POTEJ: variants seen among roughly 807,000 people sequenced by gnomAD.
POTEJ encodes the protein POTE ankyrin domain family member J.
A neutral mutation model predicts 69.0 loss-of-function variants in POTEJ; 11 were observed. That is an observed-to-expected ratio of 0.16 (90% confidence interval 0.10 to 0.26). POTEJ has a LOEUF of 0.26. Ranked by LOEUF, POTEJ falls within the 10% of genes least tolerant of loss-of-function variation. The pLI is 1.00. For synonymous variants in POTEJ, 117 were observed against 381.1 expected, an observed-to-expected ratio of 0.31 and a Z score of 8.07; for missense variants, 327 against 1,045.5, an observed-to-expected ratio of 0.31 and a Z score of 9.48.
chr2:130,641,372 G>C (rs1364714244), intron 10 of POTEJ, among the ~76,000 whole-genome samples: 3 of 149,336 alleles, frequency 2.0e-5, no homozygotes, highest in East Asian at 1.9e-4. Flanking sequence ...ATTTTACTAT[G>C]TTGGCCTTCG....
Position 130,656,446 on chromosome 2 carries a change from G to A in POTEJ, c.1789-103G>A, listed in dbSNP as rs565087943. On this transcript the variant is annotated intron_variant, in intron 14 of 14. Transcript: ENST00000409602. ...TTTTCCAGTTAAATATCCACTATGG[G>A]GATTCTTTCATTATACAAATACATG... is the stretch of plus-strand genomic sequence containing the variant. 5.4e-4 allele frequency: 784 copies of A among 1,443,460 alleles called. 2 individuals are homozygous for A. In the South Asian group the frequency reaches 9.9e-3, roughly 18 times the overall value. 89.4% of individuals were successfully genotyped at this position (1,443,460 alleles called of 1,614,324 possible).
chr2:130,648,249 T>C (rs1466475485), intron 13 of POTEJ, among the ~76,000 whole-genome samples: 1 of 146,820 alleles, frequency 6.8e-6, no homozygotes, highest in Non-Finnish European at 1.5e-5. Flanking sequence ...ATGCCATATG[T>C]GTATAATTTT....
chr2:130,654,751 G>A (rs1686922866), intron 13 of POTEJ, among the ~76,000 whole-genome samples, 170 bp from the exon 14 acceptor site: 1 of 143,976 alleles, frequency 6.9e-6, no homozygotes, highest in African/African-American at 2.8e-5. Context: ...CCAGTCCCTG[G>A]TGCCAGCATG....
chr2:130,612,474 G>T (rs1685244156), intron 1 of POTEJ, among the ~76,000 whole-genome samples: 1 of 152,262 alleles, frequency 6.6e-6, no homozygotes, highest in Non-Finnish European at 1.5e-5. Context: ...TTCTTAAGAT[G>T]TGAGCTTTTT....
At chr2:130,636,894 C>G (rs1686112228) in intron 9 of POTEJ, among the ~76,000 whole-genome samples, 1 of 146,706 alleles carries the variant, frequency 6.8e-6, no homozygotes, top group South Asian at 2.1e-4. Context: ...AGATCGAGAC[C>G]AGTGAAACCC....
intron 6 of POTEJ, among the ~76,000 whole-genome samples, chr2:130,626,994 G>A (rs1433306699): frequency 1.9e-4 from 29 of 152,136 alleles, no homozygotes; most frequent in East Asian, 5.8e-4. Context: ...GAGAGGTATC[G>A]TCAATATGAT....
upstream of POTEJ, among the ~76,000 whole-genome samples, chr2:130,611,155 T>TTGGTGTTGGTCGCTTGGCC (rs1685194461): frequency 6.8e-6 from 1 of 147,808 alleles, no homozygotes; most frequent in Non-Finnish European, 1.5e-5. Context: ...TTTGCTTGGC[T>TTGGTGTTGGTCGCTTGGCC]TGGTGTTGGT....
intron 10 of POTEJ, among the ~76,000 whole-genome samples, chr2:130,640,809 G>T (rs1424093692): frequency 2.0e-5 from 3 of 152,204 alleles, no homozygotes; most frequent in Admixed American, 1.3e-4. Context: ...CTGAGGAGGG[G>T]GATTGGGATA....
At chr2:130,640,541 G>GTTGACA (rs1686310729) in intron 10 of POTEJ, among the ~76,000 whole-genome samples, 1 of 151,926 alleles carries the variant, frequency 6.6e-6, no homozygotes, top group Non-Finnish European at 1.5e-5. Flanking sequence ...CAGCTGTGCT[G>GTTGACA]TTGACAGTGT....
chr2:130,642,840 G>A (rs532866679), intron 10 of POTEJ, among the ~76,000 whole-genome samples: 1 of 151,304 alleles, frequency 6.6e-6, no homozygotes, highest in Non-Finnish European at 1.5e-5. Context: ...TCTTGCTGCT[G>A]CGTGGCATGC....
chr2:130,613,304 GTATATATACA>G (rs1371006349), intron 1 of POTEJ, among the ~76,000 whole-genome samples: 6 of 87,426 alleles, frequency 6.9e-5, no homozygotes, highest in Non-Finnish European at 1.4e-4. Context: ...ATATACATAT[GTATATATACA>G]TATATATACA....
intron 9 of POTEJ, among the ~76,000 whole-genome samples, chr2:130,636,432 A>T (rs1416435144): frequency 6.9e-6 from 1 of 144,852 alleles, no homozygotes; most frequent in Admixed American, 7.0e-5. Context: ...ACCTTATGTC[A>T]TCGTTTCTTA....
chr2:130,637,775 G>A (rs1409721682), intron 9 of POTEJ, among the ~76,000 whole-genome samples: 1 of 152,112 alleles, frequency 6.6e-6, no homozygotes, highest in African/African-American at 2.4e-5. Flanking sequence ...TCCCATGTCA[G>A]CTGGAGATGA....
intron 7 of POTEJ, among the ~76,000 whole-genome samples, chr2:130,630,774 G>C (rs1370138308): frequency 2.1e-5 from 3 of 145,978 alleles, no homozygotes; most frequent in Admixed American, 1.4e-4. Context: ...TTTATCCACT[G>C]TAATTAGTAC....
At chr2:130,625,303 T>C (rs1250985899) in intron 6 of POTEJ, among the ~76,000 whole-genome samples, 2 of 152,060 alleles carry the variant, frequency 1.3e-5, no homozygotes, top group African/African-American at 2.4e-5. Flanking sequence ...CATATAACTA[T>C]CAAATGTCTT....
intron 6 of POTEJ, among the ~76,000 whole-genome samples, chr2:130,625,125 G>C (rs1178110096): frequency 2.0e-4 from 31 of 152,172 alleles, no homozygotes; most frequent in Admixed American, 3.3e-4. Context: ...ATTTATCAAA[G>C]AGCTTTTGTA....
rs1685296199 is a variant in POTEJ at position 130,613,304 on chromosome 2, GTATATATACATATA to G, written c.410+1367_410+1380del. On this transcript the variant is annotated intron_variant, in intron 1 of 14. Coordinates refer to ENST00000409602, the MANE Select transcript of POTEJ (RefSeq NM_001277083.2). ...TGTATATATACATATATATACATAT[GTATATATACATATA>G]TATACATATGTATATATACATATAT... 1.6e-4 allele frequency among the ~76,000 whole-genome samples: 14 copies of G among 87,420 alleles called. 1 individual carries two copies. Among genetic ancestry groups the G allele is most frequent in the East Asian group, 1.5e-3 (5 of 3,412 alleles). The allele number at this position is 87,420 out of a possible 152,430, so 57.4% of individuals were successfully genotyped here. A position where few individuals can be genotyped will look rare whatever the true frequency, so the allele number is the denominator to read the frequency against.
intron 9 of POTEJ, among the ~76,000 whole-genome samples, chr2:130,634,252 GA>G (rs1249822713): frequency 6.6e-6 from 1 of 151,768 alleles, no homozygotes; most frequent in Non-Finnish European, 1.5e-5. Context: ...CTGCGTGTGT[GA>G]AATTATCCTT....
At chr2:130,625,447 G>A (rs1398084590) in intron 6 of POTEJ, among the ~76,000 whole-genome samples, 1 of 151,898 alleles carries the variant, frequency 6.6e-6, no homozygotes, top group Non-Finnish European at 1.5e-5. Flanking sequence ...GATGCCCACT[G>A]GAAGCTTATA....
Sources: gnomAD v4.1 joint callset for allele counts (sites outside exome capture counted in the v4.1 genomes callset) on GRCh38, gnomAD v4.1.1 for gene constraint, MANE v1.5 for transcripts, NCBI Gene and HGNC (gene_info 2026-07-23, HGNC 2026-07-21) for gene names.